CRB2: variants seen among roughly 807,000 people sequenced by gnomAD.
The protein encoded by CRB2 is protein crumbs homolog 2.
CRB2 carries 85 observed loss-of-function variants against 110.9 expected under a neutral mutation model. The observed-to-expected ratio is 0.77, with a 90% CI of 0.64 to 0.92. The LOEUF (loss-of-function observed/expected upper bound fraction) is 0.92. Among genes scored for constraint, CRB2 ranks in the 40% least tolerant of loss-of-function variants. The pLI, the probability that CRB2 is intolerant of heterozygous loss-of-function variation, is 0.00. For missense variants in CRB2, 1,843 were observed against 1,851.3 expected (o/e 1.00, Z 0.08); for synonymous variants, 907 against 831.0 (o/e 1.09, Z -1.57).
intron 5 of CRB2, 22 bp from the exon 6 acceptor site, chr9:123,367,551 C>A (rs745601638): frequency 1.3e-6 from 2 of 1,539,302 alleles, no homozygotes; most frequent in Non-Finnish European, 1.8e-6. Flanking sequence ...GCAGGTGGGA[C>A]CCACAGCTGG....
At position 123,372,288 on chromosome 9, in the gene CRB2, G is replaced by C; in HGVS notation, c.2548G>C (p.Gly850Arg). ...GTGTGCCCAGCAGCTGTGGTGTCCC[G>C]GCCAGCCCTGTCTCCCACCTGCCAC... ...PTCAQQLWCP[G>R]QPCLPPATCE... Residue 850 changes from glycine to arginine, a missense_variant, in exon 9 of 13, where the codon GGC (glycine) becomes CGC (arginine). Physicochemically the swap from Gly to Arg is moderately radical, Grantham distance 125. Transcript: ENST00000373631. 1 of 1,612,256 alleles carries C rather than the reference G, an allele frequency of 6.2e-7. No homozygotes were observed. Among genetic ancestry groups the C allele is most frequent in the Non-Finnish European group, 8.5e-7 (1 of 1,179,086 alleles).
Position 123,371,406 on chromosome 9 carries a change from A to C in CRB2, c.2264A>C (p.Asp755Ala). The C allele has an allele frequency of 6.2e-7, 1 of 1,609,512 alleles. No homozygotes were observed. The highest frequency in any genetic ancestry group is 8.5e-7 in the Non-Finnish European group (1 of 1,177,722). ...GTGGGTGGGAGGCTCCTTGCTGCCG[A>C]CAGCCAGCCCTGGGGTGGGCCCTTC... ...VHVGGRLLAA[D>A]SQPWGGPFRG... Residue 755 changes from aspartate to alanine, a missense_variant, in exon 8 of 13, where the codon GAC (aspartate) becomes GCC (alanine). Physicochemically the swap from Asp to Ala is moderately radical, Grantham distance 126. Coordinates refer to ENST00000373631, the MANE Select transcript of CRB2 (RefSeq NM_173689.7).
intron 1 of CRB2, among the ~76,000 whole-genome samples, chr9:123,361,731 A>C (rs566321029): frequency 6.6e-6 from 1 of 152,310 alleles, no homozygotes; most frequent in East Asian, 1.9e-4. Context: ...TCAGCATTTG[A>C]TGAGGGGATT....
At chr9:123,374,301 C>CCTCCCT (rs1248050038) in intron 10 of CRB2, among the ~76,000 whole-genome samples, 4 of 151,988 alleles carry the variant, frequency 2.6e-5, no homozygotes, top group Non-Finnish European at 4.4e-5. Context: ...TGGCCTGACC[C>CCTCCCT]CTCCCTCTCC....
rs144803819 is a variant in CRB2, at chr9:123,370,547, G to T, written c.1494G>T (p.Trp498Cys). The change falls in exon 7 of 13, where the codon TGG (tryptophan) becomes TGT (cysteine). Residue 498 changes from tryptophan to cysteine, a missense_variant. Coordinates refer to ENST00000373631, the MANE Select transcript of CRB2 (RefSeq NM_173689.7). ...LVAATLQATL[W>C]SYSTTVLVLR... Reference sequence around the variant, plus strand: ...CAGCCACACTTCAGGCCACACTCTGGAGCTACAGCACCACTGTGCTTGTCC... The same window carrying T: ...CAGCCACACTTCAGGCCACACTCTGTAGCTACAGCACCACTGTGCTTGTCC... The T allele has an allele frequency of 3.9e-4, 634 of 1,613,566 alleles. 5 individuals are homozygous for T. In the South Asian group the frequency reaches 4.0e-3, roughly 10 times the overall value.
intron 12 of CRB2, 112 bp downstream of exon 12, chr9:123,375,455 T>G: frequency 7.7e-7 from 1 of 1,304,352 alleles, no homozygotes; most frequent in Non-Finnish European, 1.0e-6. Context: ...CACTCTGTCA[T>G]GGGGTGGGGC....
rs1026718933 is a variant in CRB2 at position 123,373,630 on chromosome 9, G to C, written c.3099G>C (p.Ala1033=). The change falls in exon 10 of 13, where the codon GCG becomes GCC. Residue 1033 remains alanine, a synonymous_variant. Transcript: ENST00000373631. ...PLPLARPRPG[A]APGAREHFAS... is the part of the protein sequence containing the mutation. ...CCTTGGCGCGGCCCCGGCCCGGCGC[G>C]GCCCCTGGCGCCCGAGAGCACTTCG... 17 of 1,368,426 alleles carry C rather than the reference G, an allele frequency of 1.2e-5. No homozygotes were observed. The highest frequency in any genetic ancestry group is 1.5e-5 in the Non-Finnish European group (16 of 1,068,922). The allele number at this position is 1,368,426 out of a possible 1,614,324, so 84.8% of individuals were successfully genotyped here.
At chr9:123,379,978 G>A (rs932640675), downstream of CRB2, 1 of 152,346 alleles carries the variant, frequency 6.6e-6, no homozygotes, top group Admixed American at 6.5e-5. Flanking sequence ...TCCTGAGCCA[G>A]ACAGGTCACG....
chr9:123,378,804 T>C (rs1564382821), downstream of CRB2: 1 of 66,830 alleles, frequency 1.5e-5, no homozygotes, highest in African/African-American at 7.3e-5. Context: ...GCCTGTTTTT[T>C]GTTTTTTTTT....
chr9:123,362,331 C>G (rs1442577242), intron 1 of CRB2, among the ~76,000 whole-genome samples: 1 of 152,082 alleles, frequency 6.6e-6, no homozygotes, highest in East Asian at 1.9e-4. Context: ...AGGAGCCTCA[C>G]CCTCTGGGGC....
chr9:123,363,211 G>A (rs781380254), intron 2 of CRB2, 23 bp downstream of exon 2: 4 of 1,581,400 alleles, frequency 2.5e-6, no homozygotes, highest in Non-Finnish European at 3.4e-6. Context: ...GCCGCCCTGG[G>A]AGGAGGTCTG....
Position 123,366,378 on chromosome 9 carries a change from C to T in CRB2, c.754+12C>T, listed in dbSNP as rs1440218654. On this transcript the variant is annotated intron_variant, in intron 4 of 12. Coordinates refer to ENST00000373631, the MANE Select transcript of CRB2 (RefSeq NM_173689.7). ...CCTCTGTTGGCCAGGTGTGTGCGTG[C>T]AGGTGCGCGGCCTGGCGGGGGGAGG... 3 of 1,537,588 alleles carry T rather than the reference C, an allele frequency of 2.0e-6. No individual in the cohort carries two copies. The highest frequency in any genetic ancestry group is 2.6e-5 in the East Asian group (1 of 38,588).
intron 12 of CRB2, among the ~76,000 whole-genome samples, chr9:123,375,789 G>A (rs1187478239): frequency 6.6e-6 from 1 of 151,932 alleles, no homozygotes; most frequent in African/African-American, 2.4e-5. Flanking sequence ...AGCAGGCTCG[G>A]CCCGCTGTGC....
chr9:123,365,782 C>A, intron 2 of CRB2, 135 bp from the exon 3 acceptor site: 1 of 820,346 alleles, frequency 1.2e-6, no homozygotes, highest in East Asian at 3.3e-5. Flanking sequence ...CCCCACCCCC[C>A]AACCACCACC....
chr9:123,376,827 G>GT lies in CRB2; in HGVS notation c.3634-10dup. On this transcript the variant is annotated splice_polypyrimidine_tract_variant and intron_variant, in intron 12 of 12. Coordinates refer to ENST00000373631, the MANE Select transcript of CRB2 (RefSeq NM_173689.7). ...CTGCGGTCTTAGGCCTCGGTGTCGTGTCTCTTGCAGAAGGGCCTGCCCCTG... is the reference window on the plus strand; with the variant it reads ...CTGCGGTCTTAGGCCTCGGTGTCGTGTTCTCTTGCAGAAGGGCCTGCCCCTG... 1 of 1,601,700 alleles carries GT rather than the reference G, an allele frequency of 6.2e-7. No individual in the cohort carries two copies. The highest frequency in any genetic ancestry group is 8.5e-7 in the Non-Finnish European group (1 of 1,176,158).
At chr9:123,359,662 C>G (rs2041844761) in intron 1 of CRB2, among the ~76,000 whole-genome samples, 1 of 151,894 alleles carries the variant, frequency 6.6e-6, no homozygotes, top group South Asian at 2.1e-4. Flanking sequence ...TTTGCACAGG[C>G]TGGTCTTGAG....
intron 1 of CRB2, among the ~76,000 whole-genome samples, chr9:123,357,614 G>T (rs1054339275): frequency 1.3e-5 from 2 of 152,006 alleles, no homozygotes; most frequent in South Asian, 2.1e-4. Context: ...CCATAGAGGG[G>T]TGGGGCATGG....
At position 123,377,931 on chromosome 9, in the gene CRB2, A is replaced by C. The variant is rs2042128961; in HGVS notation, c.*869A>C. On this transcript the variant is annotated 3_prime_UTR_variant, in exon 13 of 13. Transcript: ENST00000373631. Reference sequence around the variant, plus strand: ...GACGACAGTGGGGAAAGAATCTGGAAGTCTTCAACTGCCGTCTGATGGGAA... The same window carrying C: ...GACGACAGTGGGGAAAGAATCTGGACGTCTTCAACTGCCGTCTGATGGGAA... 1 of 152,284 alleles carries C rather than the reference A, an allele frequency of 6.6e-6. No homozygotes were observed. The highest frequency in any genetic ancestry group is 1.5e-5 in the Non-Finnish European group (1 of 68,070). The allele number at this position is 152,284 out of a possible 1,614,324, so 9.4% of individuals were successfully genotyped here.
At chr9:123,356,383 C>T (rs979382630) in intron 1 of CRB2, 29 bp downstream of exon 1, 9 of 1,497,772 alleles carry the variant, frequency 6.0e-6, no homozygotes, top group Non-Finnish European at 8.1e-6. Flanking sequence ...CTGGAGGGGC[C>T]TGGGAGAGGG....
Sources: allele counts gnomAD v4.1 joint callset (sites outside exome capture counted in the v4.1 genomes callset), GRCh38; gene constraint gnomAD v4.1.1; transcripts MANE v1.5; gene names NCBI Gene and HGNC (gene_info 2026-07-23, HGNC 2026-07-21).